KCNU1: variants seen among roughly 807,000 people sequenced by gnomAD.
The protein encoded by KCNU1 is potassium calcium-activated channel subfamily U member 1.
A neutral mutation model predicts 126.8 loss-of-function variants in KCNU1; 93 were observed. That is an observed-to-expected ratio of 0.73 (90% CI 0.62 to 0.87). KCNU1 has a LOEUF of 0.87. KCNU1 is among the 40% of genes least tolerant of loss of function. The pLI is 0.00. For missense variants in KCNU1, 1,330 were observed against 1,367.1 expected, an observed-to-expected ratio of 0.97 and a Z score of 0.43; for synonymous variants, 523 against 494.2, an observed-to-expected ratio of 1.06 and a Z score of -0.77.
intron 19 of KCNU1, among the ~76,000 whole-genome samples, chr8:36,881,796 TCACA>T (rs10522369): frequency 0.27 from 36,817 of 138,432 alleles, 4,847 homozygotes; most frequent in African/African-American, 0.37. Context: ...AAAAGTCAAA[TCACA>T]CACACACACA....
intron 22 of KCNU1, among the ~76,000 whole-genome samples, chr8:36,912,981 CT>C (rs1446832363): frequency 8.7e-6 from 1 of 114,910 alleles, no homozygotes; most frequent in East Asian, 2.7e-4. Context: ...AAAAAAAAAG[CT>C]TATAAATCCA....
At chr8:36,808,678 A>C in intron 6 of KCNU1, 40 bp from the exon 7 acceptor site, 1 of 1,276,074 alleles carries the variant, frequency 7.8e-7, no homozygotes, top group South Asian at 1.2e-5. Flanking sequence ...TTGTTCTGGA[A>C]TCTGTTAGAC....
At chr8:36,891,360 C>T (rs1806954838) in intron 19 of KCNU1, among the ~76,000 whole-genome samples, 1 of 151,974 alleles carries the variant, frequency 6.6e-6, no homozygotes, top group Non-Finnish European at 1.5e-5. Context: ...ATACAAATTA[C>T]ATCTTTATAA....
At chr8:36,836,122 C>T (rs568095583) in intron 12 of KCNU1, among the ~76,000 whole-genome samples, 174 bp from the exon 13 acceptor site, 1 of 152,300 alleles carries the variant, frequency 6.6e-6, no homozygotes, top group South Asian at 2.1e-4. Flanking sequence ...AACAATGATG[C>T]TCTTCTGTGT....
At chr8:36,907,314 A>G (rs1341168364) in intron 20 of KCNU1, among the ~76,000 whole-genome samples, 2 of 152,108 alleles carry the variant, frequency 1.3e-5, no homozygotes, top group Non-Finnish European at 2.9e-5. Context: ...TAATCAGGAG[A>G]CAGTTTAGTG....
chr8:36,933,901 A>T (rs1480410791), intron 26 of KCNU1, among the ~76,000 whole-genome samples: 1 of 152,144 alleles, frequency 6.6e-6, no homozygotes, highest in Admixed American at 6.6e-5. Flanking sequence ...TGAGAGAAAG[A>T]TGGAAGAAAT....
At chr8:36,900,655 C>G (rs943802178) in intron 19 of KCNU1, among the ~76,000 whole-genome samples, 1 of 151,974 alleles carries the variant, frequency 6.6e-6, no homozygotes, top group African/African-American at 2.4e-5. Flanking sequence ...AACTGAATAG[C>G]CTTGCTATTT....
chr8:36,826,138 C>T (rs1314966266), intron 10 of KCNU1, among the ~76,000 whole-genome samples: 1 of 151,614 alleles, frequency 6.6e-6, no homozygotes, highest in Non-Finnish European at 1.5e-5. Context: ...TACAGGTTAA[C>T]TCTGCTAGCC....
At chr8:36,853,203 A>G (rs1033495843) in intron 18 of KCNU1, among the ~76,000 whole-genome samples, 1 of 152,134 alleles carries the variant, frequency 6.6e-6, no homozygotes, top group Non-Finnish European at 1.5e-5. Flanking sequence ...TACAAAAATC[A>G]GCCAGGTGTG....
intron 10 of KCNU1, among the ~76,000 whole-genome samples, chr8:36,822,005 G>T (rs1804146055): frequency 6.6e-6 from 1 of 152,032 alleles, no homozygotes; most frequent in Non-Finnish European, 1.5e-5. Context: ...TAGGGATGTA[G>T]CCCCATCATA....
chr8:36,821,535 A>C (rs1161754166), intron 10 of KCNU1, among the ~76,000 whole-genome samples: 1 of 152,184 alleles, frequency 6.6e-6, no homozygotes, highest in Non-Finnish European at 1.5e-5. Flanking sequence ...AGATGACAAG[A>C]TCCAGGACTT....
rs1401397191 is a variant in KCNU1, at chr8:36,922,986, A to C, written c.2736+357A>C. 6.4e-6 allele frequency: 3 copies of C among 470,492 alleles called. No homozygotes were observed. In the Admixed American group the frequency reaches 7.0e-5, roughly 11 times the overall value. 29.1% of individuals were successfully genotyped at this position (470,492 alleles called of 1,614,324 possible). A position where few individuals can be genotyped will look rare whatever the true frequency, so the allele number is the denominator to read the frequency against. ...CTCTCTGAAATCCTCCAAACAGCTCATGTGGAAATTGGCCATAAAGGGATC... is the reference window on the plus strand; with the variant it reads ...CTCTCTGAAATCCTCCAAACAGCTCCTGTGGAAATTGGCCATAAAGGGATC... On this transcript the variant is annotated intron_variant, in intron 24 of 26. Transcript: ENST00000399881.
chr8:36,812,077 CA>C (rs1399589950), intron 7 of KCNU1, among the ~76,000 whole-genome samples: 4 of 146,604 alleles, frequency 2.7e-5, no homozygotes, highest in Non-Finnish European at 4.5e-5. Flanking sequence ...AAACAAACAA[CA>C]AAAAAACTCT....
At position 36,787,305 on chromosome 8, in the gene KCNU1, G is replaced by A; in HGVS notation, c.196-1G>A. 3 of 1,606,112 alleles carry A rather than the reference G, an allele frequency of 1.9e-6. No homozygotes were observed. Among genetic ancestry groups the A allele is most frequent in the Non-Finnish European group, 2.6e-6 (3 of 1,175,884 alleles). The stretch of plus-strand genomic sequence containing the variant: ...TGTCAATTTCTTTCTCTTGATTGTA[G>A]GAACTGTTCACATCAGGTACCATCG... On this transcript the variant is annotated splice_acceptor_variant, in intron 1 of 26. Transcript: ENST00000399881. LOFTEE classifies it high-confidence loss of function.
chr8:36,923,228 A>G lies in KCNU1; in HGVS notation c.2736+599A>G, dbSNP rs1160534354. Among the ~76,000 whole-genome samples, 3 of 152,188 alleles carry G rather than the reference A, an allele frequency of 2.0e-5. No homozygotes were observed. The East Asian group carries it at 5.8e-4, about 29-fold the overall frequency. On this transcript the variant is annotated intron_variant, in intron 24 of 26. Transcript: ENST00000399881. Reference sequence around the variant, plus strand: ...TTGTACAAATGCCCACTGAACACCTACTCTGCACAGGGCACTGTTGGGGTG... The same window carrying G: ...TTGTACAAATGCCCACTGAACACCTGCTCTGCACAGGGCACTGTTGGGGTG...
At chr8:36,911,142 G>C in intron 22 of KCNU1, 23 bp downstream of exon 22, 1 of 1,555,350 alleles carries the variant, frequency 6.4e-7, no homozygotes, top group Non-Finnish European at 8.8e-7. Flanking sequence ...CCCCTGAAAA[G>C]AAGAAACTAG....
chr8:36,816,270 T>A (rs1315564247), intron 9 of KCNU1, among the ~76,000 whole-genome samples: 2 of 151,810 alleles, frequency 1.3e-5, no homozygotes, highest in Non-Finnish European at 2.9e-5. Flanking sequence ...GAAAATGGAG[T>A]GGAGTTGTTT....
intron 10 of KCNU1, among the ~76,000 whole-genome samples, chr8:36,818,533 C>T (rs948084369): frequency 6.6e-6 from 1 of 152,054 alleles, no homozygotes; most frequent in African/African-American, 2.4e-5. Flanking sequence ...GTTTGATTTG[C>T]ATGCACTCCA....
chr8:36,934,225 T>A (rs915955851), intron 26 of KCNU1, among the ~76,000 whole-genome samples: 7 of 152,172 alleles, frequency 4.6e-5, no homozygotes, highest in African/African-American at 1.7e-4. Context: ...GTACTGGAAG[T>A]CATAGCAATA....
Sources: gnomAD v4.1 joint callset for allele counts (sites outside exome capture counted in the v4.1 genomes callset) on GRCh38, gnomAD v4.1.1 for gene constraint, MANE v1.5 for transcripts, NCBI Gene and HGNC (gene_info 2026-07-23, HGNC 2026-07-21) for gene names.